Variants in UTRN observed in about 807,000 individuals in gnomAD.
UTRN encodes dystrophin-related protein 1.
Under a neutral mutation model 463.9 loss-of-function variants are expected in UTRN, and 283 were observed. The observed-to-expected ratio is 0.61, with a 90% CI of 0.55 to 0.67. The LOEUF is 0.67. UTRN is among the 30% of genes least tolerant of loss of function. The pLI, the probability that UTRN is intolerant of heterozygous loss-of-function variation, is 0.00. For synonymous variants in UTRN, 1,442 were observed against 1,431.5 expected (o/e 1.01, Z -0.17); for missense variants, 3,922 against 4,084.3 (o/e 0.96, Z 1.08).
intron 52 of UTRN, among the ~76,000 whole-genome samples, chr6:144,694,973 C>CTT (rs66962922): frequency 1.8e-3 from 251 of 138,502 alleles, no homozygotes; most frequent in African/African-American, 6.4e-3. Context: ...TGCAGGTGGC[C>CTT]TTTTTTTTTT....
chr6:144,536,566 A>G (rs186153336), intron 43 of UTRN, among the ~76,000 whole-genome samples: 1 of 152,204 alleles, frequency 6.6e-6, no homozygotes, highest in African/African-American at 2.4e-5. Flanking sequence ...TATTAAATAT[A>G]GAAGTATTAT....
intron 53 of UTRN, among the ~76,000 whole-genome samples, chr6:144,711,108 A>G (rs942273918): frequency 6.6e-6 from 1 of 152,192 alleles, no homozygotes; most frequent in Non-Finnish European, 1.5e-5. Context: ...ACTTGAGGCC[A>G]GGAGTTCTAG....
At chr6:144,610,240 G>A (rs1263032187) in intron 51 of UTRN, among the ~76,000 whole-genome samples, 2 of 144,856 alleles carry the variant, frequency 1.4e-5, no homozygotes, top group Admixed American at 1.4e-4. Context: ...AATGAAAAAG[G>A]AGATATTACA....
chr6:144,698,743 A>G (rs376438196), intron 52 of UTRN, among the ~76,000 whole-genome samples: 1 of 152,260 alleles, frequency 6.6e-6, no homozygotes, highest in Non-Finnish European at 1.5e-5. Flanking sequence ...GAACATGTGC[A>G]TAGATTTATA....
chr6:144,752,728 T>G (rs537795860), intron 56 of UTRN, among the ~76,000 whole-genome samples: 14 of 152,238 alleles, frequency 9.2e-5, no homozygotes, highest in African/African-American at 3.1e-4. Flanking sequence ...TATTTGTTCT[T>G]TATTCTTTTT....
intron 74 of UTRN, among the ~76,000 whole-genome samples, chr6:144,847,745 G>A (rs1004356314): frequency 6.6e-6 from 1 of 152,192 alleles, no homozygotes; most frequent in Non-Finnish European, 1.5e-5. Context: ...AGCAATTTGT[G>A]AGGGAGGTCA....
chr6:144,789,654 A>G (rs1776591606), intron 62 of UTRN, among the ~76,000 whole-genome samples: 2 of 152,192 alleles, frequency 1.3e-5, no homozygotes, highest in Admixed American at 6.5e-5. Flanking sequence ...CTGATAAGGG[A>G]TGGGGCTAGA....
intron 2 of UTRN, among the ~76,000 whole-genome samples, chr6:144,384,480 C>G (rs375250950): frequency 1.7e-3 from 265 of 152,244 alleles, no homozygotes; most frequent in African/African-American, 6.1e-3. Context: ...CACTGCCTCC[C>G]CCACTGCCCC....
chr6:144,618,664 A>T (rs567055042), intron 51 of UTRN, among the ~76,000 whole-genome samples: 67 of 152,214 alleles, frequency 4.4e-4, no homozygotes, highest in East Asian at 9.6e-4. Flanking sequence ...TATTTGACAG[A>T]TATTTATTTT....
chr6:144,359,263 A>G (rs1778831499), intron 2 of UTRN, among the ~76,000 whole-genome samples: 1 of 152,218 alleles, frequency 6.6e-6, no homozygotes. Context: ...GCTTTTCCCC[A>G]GTGGTGACAA....
chr6:144,668,167 A>G (rs1780621379), intron 51 of UTRN, among the ~76,000 whole-genome samples: 1 of 152,186 alleles, frequency 6.6e-6, no homozygotes, highest in African/African-American at 2.4e-5. Context: ...CCCATCAGAA[A>G]TAATACTAGG....
At chr6:144,799,309 G>A in intron 64 of UTRN, 1 of 363,658 alleles carries the variant, frequency 2.7e-6, no homozygotes, top group South Asian at 2.2e-5. Context: ...TAGTTGGGAA[G>A]ACTAAAGTAT....
intron 3 of UTRN, among the ~76,000 whole-genome samples, chr6:144,404,444 A>G (rs866936598): frequency 6.6e-6 from 1 of 152,186 alleles, no homozygotes; most frequent in Non-Finnish European, 1.5e-5. Context: ...CATTTTCCAG[A>G]GAATGTAGTT....
At chr6:144,797,684 C>T (rs1586616407) in intron 63 of UTRN, 140 bp from the exon 64 acceptor site, 2 of 824,588 alleles carry the variant, frequency 2.4e-6, no homozygotes, top group Non-Finnish European at 3.6e-6. Flanking sequence ...AACCTTAAAG[C>T]ATTGTGACTT....
intron 54 of UTRN, among the ~76,000 whole-genome samples, chr6:144,732,239 CATAT>C (rs71810800): frequency 0.026 from 3,040 of 115,878 alleles, 78 homozygotes; most frequent in Non-Finnish European, 0.028. Context: ...TATATATATA[CATAT>C]ATATATATAT....
At chr6:144,594,746 G>C (rs1803468761) in intron 51 of UTRN, among the ~76,000 whole-genome samples, 1 of 152,036 alleles carries the variant, frequency 6.6e-6, no homozygotes, top group South Asian at 2.1e-4. Context: ...TTCTTAAAAA[G>C]AAATCCCTCA....
At chr6:144,486,891 C>A (rs1584980020) in intron 28 of UTRN, among the ~76,000 whole-genome samples, 1 of 152,032 alleles carries the variant, frequency 6.6e-6, no homozygotes, top group South Asian at 2.1e-4. Context: ...TGTATGTAGG[C>A]AAGTAATTTA....
intron 60 of UTRN, among the ~76,000 whole-genome samples, chr6:144,778,762 C>T (rs939445788): frequency 6.6e-6 from 1 of 152,022 alleles, no homozygotes; most frequent in South Asian, 2.1e-4. Context: ...TATTCCATCC[C>T]CTGTGCCTTG....
chr6:144,733,185 A>G (rs1788954410), intron 54 of UTRN, among the ~76,000 whole-genome samples: 2 of 152,328 alleles, frequency 1.3e-5, no homozygotes, highest in South Asian at 4.1e-4. Context: ...CATTTGATCA[A>G]ATGGAACACA....
Sources: gnomAD v4.1 joint callset for allele counts (sites outside exome capture counted in the v4.1 genomes callset) on GRCh38, gnomAD v4.1.1 for gene constraint, MANE v1.5 for transcripts, NCBI Gene and HGNC (gene_info 2026-07-23, HGNC 2026-07-21) for gene names.